ESRRB: variants seen among roughly 807,000 people sequenced by gnomAD.
ESRRB encodes steroid hormone receptor ERR2.
In ESRRB, 16 loss-of-function variants were observed where a neutral mutation model predicts 46.0. The ratio of observed to expected loss-of-function variants is 0.35; its 90% CI spans 0.24 to 0.53. The LOEUF (loss-of-function observed/expected upper bound fraction) is 0.53, where lower values mean the gene tolerates loss of function less well. ESRRB is among the 20% of genes least tolerant of loss of function. The pLI, the probability that ESRRB is intolerant of heterozygous loss-of-function variation, is 0.93. For synonymous variants in ESRRB, 246 were observed against 259.6 expected, an observed-to-expected ratio of 0.95 and a Z score of 0.50; for missense variants, 488 against 607.4, an observed-to-expected ratio of 0.80 and a Z score of 2.07.
chr14:76,447,464 G>A (rs530081903), intron 2 of ESRRB, among the ~76,000 whole-genome samples: 1 of 152,134 alleles, frequency 6.6e-6, no homozygotes, highest in East Asian at 1.9e-4. Context: ...AGTTGTCTCT[G>A]AAATCAGGAT....
At chr14:76,451,181 C>T (rs888721335) in intron 2 of ESRRB, among the ~76,000 whole-genome samples, 1 of 152,154 alleles carries the variant, frequency 6.6e-6, no homozygotes. Context: ...AACAGCATGG[C>T]ACTGGAGTGC....
chr14:76,369,747 A>G (rs554098767), upstream of ESRRB, among the ~76,000 whole-genome samples: 42 of 152,342 alleles, frequency 2.8e-4, no homozygotes, highest in African/African-American at 5.8e-4. Context: ...AATGTCCCCA[A>G]TGTTGAATTT....
chr14:76,319,842 T>C (rs1436242310), intron 1 of ESRRB, among the ~76,000 whole-genome samples: 3 of 152,136 alleles, frequency 2.0e-5, no homozygotes, highest in Non-Finnish European at 4.4e-5. Flanking sequence ...ATAGTCTTGG[T>C]GGACCGGGGC....
At chr14:76,461,278 A>G (rs987388143) in intron 2 of ESRRB, among the ~76,000 whole-genome samples, 2 of 152,142 alleles carry the variant, frequency 1.3e-5, no homozygotes, top group Non-Finnish European at 2.9e-5. Context: ...GAATAGTATT[A>G]GTACTTATTT....
At chr14:76,371,138 T>C (rs1391299411), upstream of ESRRB, among the ~76,000 whole-genome samples, 2 of 152,212 alleles carry the variant, frequency 1.3e-5, no homozygotes, top group African/African-American at 2.4e-5. Context: ...AATGGCCCAT[T>C]ACGGCTTCAG....
intron 1 of ESRRB, among the ~76,000 whole-genome samples, chr14:76,317,478 G>T (rs1883815867): frequency 6.6e-6 from 1 of 152,100 alleles, no homozygotes; most frequent in Non-Finnish European, 1.5e-5. Flanking sequence ...TATTAAAATT[G>T]TGGACTTTAT....
intron 1 of ESRRB, among the ~76,000 whole-genome samples, chr14:76,352,557 A>G (rs185374057): frequency 2.0e-5 from 3 of 152,296 alleles, no homozygotes; most frequent in African/African-American, 7.2e-5. Context: ...CAGGCCCTGG[A>G]GCCAGACCCT....
intron 1 of ESRRB, among the ~76,000 whole-genome samples, chr14:76,359,973 A>T (rs1269805687): frequency 6.6e-6 from 1 of 151,804 alleles, no homozygotes; most frequent in East Asian, 1.9e-4. Context: ...GATCATCAGG[A>T]CTCCACCTCT....
chr14:76,382,411 T>C (rs962571421), intron 1 of ESRRB, among the ~76,000 whole-genome samples: 22 of 152,124 alleles, frequency 1.4e-4, no homozygotes, highest in African/African-American at 5.1e-4. Flanking sequence ...CTTAAGAGCC[T>C]CTCTGCAATT....
intron 2 of ESRRB, 130 bp downstream of exon 2, chr14:76,439,880 G>A: frequency 9.8e-7 from 1 of 1,020,384 alleles, no homozygotes; most frequent in Non-Finnish European, 1.4e-6. Context: ...TACTTCTGTG[G>A]GGCGCCTTTT....
chr14:76,414,890 TC>T (rs1886631774), intron 1 of ESRRB, among the ~76,000 whole-genome samples: 2 of 152,082 alleles, frequency 1.3e-5, no homozygotes, highest in South Asian at 4.1e-4. Context: ...CTGAGGCAAG[TC>T]CCCGGCCCTC....
At chr14:76,380,260 C>T (rs927315902) in intron 1 of ESRRB, among the ~76,000 whole-genome samples, 1 of 152,004 alleles carries the variant, frequency 6.6e-6, no homozygotes, top group African/African-American at 2.4e-5. Context: ...AGGAAGGATG[C>T]GTGTGACAGA....
intron 2 of ESRRB, among the ~76,000 whole-genome samples, chr14:76,450,438 G>A (rs1422781448): frequency 1.3e-5 from 2 of 152,138 alleles, no homozygotes; most frequent in South Asian, 2.1e-4. Context: ...GCCATGAGGG[G>A]CTGTACGGTT....
chr14:76,371,158 T>A (rs907522396), upstream of ESRRB, among the ~76,000 whole-genome samples: 1 of 152,208 alleles, frequency 6.6e-6, no homozygotes, highest in Non-Finnish European at 1.5e-5. Flanking sequence ...GGAAAAGCCA[T>A]CATGTTTCCG....
chr14:76,396,988 C>A (rs759098604), intron 1 of ESRRB, among the ~76,000 whole-genome samples: 1 of 152,212 alleles, frequency 6.6e-6, no homozygotes, highest in Non-Finnish European at 1.5e-5. Context: ...TGCGGCCTCT[C>A]CTCCCACGCC....
chr14:76,341,383 G>A (rs1243700045), intron 1 of ESRRB, among the ~76,000 whole-genome samples: 1 of 152,182 alleles, frequency 6.6e-6, no homozygotes, highest in Non-Finnish European at 1.5e-5. Flanking sequence ...TCACTGGCGG[G>A]GGCTTCAGCA....
At chr14:76,484,288 C>G (rs953339928) in intron 5 of ESRRB, among the ~76,000 whole-genome samples, 1 of 152,216 alleles carries the variant, frequency 6.6e-6, no homozygotes. Flanking sequence ...GCTCTGCTGG[C>G]AGGGACTGCC....
At chr14:76,459,872 G>C (rs1029903647) in intron 2 of ESRRB, among the ~76,000 whole-genome samples, 2 of 152,090 alleles carry the variant, frequency 1.3e-5, no homozygotes, top group African/African-American at 4.8e-5. Context: ...GAGAAAGGTG[G>C]TGCCTGCTGG....
Position 76,498,645 on chromosome 14 carries a change from ATGGGGGGGCAGGGGTG to A in ESRRB, c.*193_*208del. 2 of 264,012 alleles carry A rather than the reference ATGGGGGGGCAGGGGTG, an allele frequency of 7.6e-6. No individual in the cohort carries two copies. Among genetic ancestry groups the A allele is most frequent in the Non-Finnish European group, 1.5e-5 (2 of 133,868 alleles). The allele number at this position is 264,012 out of a possible 1,614,324, so 16.4% of individuals were successfully genotyped here. A position where few individuals can be genotyped will look rare whatever the true frequency, so the allele number is the denominator to read the frequency against. On this transcript the variant is annotated 3_prime_UTR_variant, in exon 7 of 7. Transcript: ENST00000644823. ...GGGTGCAGTGGGGTGGGGGACGGGG[ATGGGGGGGCAGGGGTG>A]TGGGGCTCGACTGTAACTGGCTTTT... is the stretch of plus-strand genomic sequence containing the variant.
Sources: allele counts gnomAD v4.1 joint callset (sites outside exome capture counted in the v4.1 genomes callset), GRCh38; gene constraint gnomAD v4.1.1; transcripts MANE v1.5; gene names NCBI Gene and HGNC (gene_info 2026-07-23, HGNC 2026-07-21).